LRRC8C: variants seen among roughly 807,000 people sequenced by gnomAD.
LRRC8C encodes the protein volume-regulated anion channel subunit LRRC8C.
LRRC8C carries 20 observed loss-of-function variants against 55.3 expected under a neutral mutation model. That is an observed-to-expected ratio of 0.36 (90% confidence interval 0.25 to 0.53). The LOEUF is 0.53. LRRC8C is among the 20% of genes least tolerant of loss of function. The pLI, the probability that LRRC8C is intolerant of heterozygous loss-of-function variation, is 0.92. For synonymous variants in LRRC8C, 376 were observed against 360.7 expected (o/e 1.04, Z -0.48); for missense variants, 659 against 951.4 (o/e 0.69, Z 4.04).
chr1:89,691,121 A>G (rs1211994921), intron 2 of LRRC8C, among the ~76,000 whole-genome samples: 1 of 152,174 alleles, frequency 6.6e-6, no homozygotes, highest in African/African-American at 2.4e-5. Context: ...AGATGCTAAA[A>G]GAAAAACAGC....
chr1:89,628,231 A>G (rs185245588), upstream of LRRC8C, among the ~76,000 whole-genome samples: 181 of 152,242 alleles, frequency 1.2e-3, no homozygotes, highest in Non-Finnish European at 2.2e-3. Flanking sequence ...AGGGAGCAAA[A>G]AGGGGTGATT....
chr1:89,696,456 AACAG>A (rs2101314430), intron 2 of LRRC8C, among the ~76,000 whole-genome samples: 1 of 152,258 alleles, frequency 6.6e-6, no homozygotes, highest in South Asian at 2.1e-4. Context: ...CTGAGTAAAG[AACAG>A]ACAGAGGGGA....
At chr1:89,649,870 C>T (rs577195763) in intron 1 of LRRC8C, among the ~76,000 whole-genome samples, 1 of 152,282 alleles carries the variant, frequency 6.6e-6, no homozygotes, top group East Asian at 1.9e-4. Context: ...AGGCAGATTT[C>T]CCCTCCTCTC....
At chr1:89,623,811 G>A in the LRRC8C span, among the ~76,000 whole-genome samples, 2 of 152,318 alleles carry the variant, frequency 1.3e-5, no homozygotes, top group African/African-American at 2.4e-5. Context: ...GAGAGGGAGG[G>A]TAGATAAGTA....
At chr1:89,686,406 G>C in intron 1 of LRRC8C, 64 bp from the exon 2 acceptor site, 4 of 1,562,328 alleles carry the variant, frequency 2.6e-6, no homozygotes, top group Non-Finnish European at 8.7e-7. Flanking sequence ...AGCCACATTT[G>C]GTAACAATGC....
chr1:89,654,712 G>A (rs1018287990), intron 1 of LRRC8C, among the ~76,000 whole-genome samples: 6 of 152,050 alleles, frequency 3.9e-5, no homozygotes. Context: ...AATATTGTTG[G>A]TGAAAAGTGT....
intron 1 of LRRC8C, among the ~76,000 whole-genome samples, chr1:89,653,664 T>C (rs1656854393): frequency 6.6e-6 from 1 of 152,172 alleles, no homozygotes; most frequent in African/African-American, 2.4e-5. Flanking sequence ...AGATTCTAGA[T>C]AGATTTTAAA....
At position 89,712,936 on chromosome 1, in the gene LRRC8C, G is replaced by A. The variant is rs1313871496; in HGVS notation, c.366G>A (p.Trp122Ter). Residue 122 changes from tryptophan (W) to a stop codon, truncating the protein, a stop_gained, in exon 3 of 3, where the codon TGG becomes TGA. Coordinates refer to ENST00000370454, the MANE Select transcript of LRRC8C (RefSeq NM_032270.5). LOFTEE classifies it high-confidence loss of function. ...TGTGTTATGAGCGAGCCCTCCACTG[G>A]TATGCCAAGTATTTCCCTTACCTTG... The part of the protein sequence containing the change: ...NQMCYERALH[W>*]YAKYFPYLVL... 2 of 1,613,588 alleles carry A rather than the reference G, an allele frequency of 1.2e-6. No homozygotes were observed. Among genetic ancestry groups the A allele is most frequent in the Non-Finnish European group, 1.7e-6 (2 of 1,180,008 alleles).
At chr1:89,704,843 A>G (rs772351244) in intron 2 of LRRC8C, among the ~76,000 whole-genome samples, 1 of 152,136 alleles carries the variant, frequency 6.6e-6, no homozygotes, top group Non-Finnish European at 1.5e-5. Context: ...AACTAGTTCA[A>G]CCATTGTGGA....
At chr1:89,647,979 G>A (rs999260618) in intron 1 of LRRC8C, among the ~76,000 whole-genome samples, 3 of 152,144 alleles carry the variant, frequency 2.0e-5, no homozygotes, top group African/African-American at 4.8e-5. Context: ...TGAGGCGGGA[G>A]GATGGCTTGA....
chr1:89,671,766 G>T (rs1454656165), intron 1 of LRRC8C, among the ~76,000 whole-genome samples: 5 of 152,252 alleles, frequency 3.3e-5, no homozygotes, highest in African/African-American at 1.2e-4. Flanking sequence ...GTATAGGTCA[G>T]AGTCAGTTTG....
intron 1 of LRRC8C, among the ~76,000 whole-genome samples, chr1:89,636,929 G>A (rs577644269): frequency 1.3e-5 from 2 of 152,024 alleles, no homozygotes; most frequent in African/African-American, 4.8e-5. Context: ...TTTTTGCTTG[G>A]GATAATACAC....
intron 2 of LRRC8C, among the ~76,000 whole-genome samples, chr1:89,688,825 C>A (rs1440603272): frequency 6.6e-6 from 1 of 152,162 alleles, no homozygotes; most frequent in Non-Finnish European, 1.5e-5. Flanking sequence ...TGATAAATGC[C>A]TGGTAGGAAG....
At chr1:89,673,997 G>T (rs1372338532) in intron 1 of LRRC8C, among the ~76,000 whole-genome samples, 2 of 152,140 alleles carry the variant, frequency 1.3e-5, no homozygotes. Context: ...CCAGTTGTAG[G>T]ATTAGTACCA....
intron 1 of LRRC8C, among the ~76,000 whole-genome samples, chr1:89,670,660 C>A (rs1427708423): frequency 6.6e-6 from 1 of 152,154 alleles, no homozygotes; most frequent in African/African-American, 2.4e-5. Flanking sequence ...ATTCAAGTAT[C>A]TCTTTACAAA....
chr1:89,692,109 C>T (rs1419441829), intron 2 of LRRC8C, among the ~76,000 whole-genome samples: 1 of 152,164 alleles, frequency 6.6e-6, no homozygotes, highest in Non-Finnish European at 1.5e-5. Flanking sequence ...CTAAAAATGG[C>T]TTAATGACTG....
At chr1:89,621,063 T>C in the LRRC8C span, among the ~76,000 whole-genome samples, 1 of 152,200 alleles carries the variant, frequency 6.6e-6, no homozygotes, top group Non-Finnish European at 1.5e-5. Flanking sequence ...ATTGCTATTT[T>C]TTAGAAATCA....
chr1:89,663,947 C>T (rs909951924), intron 1 of LRRC8C, among the ~76,000 whole-genome samples: 4 of 152,108 alleles, frequency 2.6e-5, no homozygotes, highest in African/African-American at 9.7e-5. Context: ...CTGTTCATAT[C>T]CTCTGCCCAC....
chr1:89,696,728 C>T (rs189360506), intron 2 of LRRC8C, among the ~76,000 whole-genome samples: 89 of 152,184 alleles, frequency 5.8e-4, no homozygotes, highest in African/African-American at 1.9e-3. Flanking sequence ...CAAGGAGAAA[C>T]AACCCCTTGT....
Sources: allele counts gnomAD v4.1 joint callset (sites outside exome capture counted in the v4.1 genomes callset), GRCh38; gene constraint gnomAD v4.1.1; transcripts MANE v1.5; gene names NCBI Gene and HGNC (gene_info 2026-07-23, HGNC 2026-07-21).